The following GATAD2A variants were observed in gnomAD, a reference collection of about 807,000 sequenced individuals.
GATAD2A encodes transcriptional repressor p66-alpha.
In GATAD2A, 12 loss-of-function variants were observed where a neutral mutation model predicts 68.5. That is an observed-to-expected ratio of 0.18 (90% CI 0.11 to 0.28). The LOEUF is 0.28. Ranked by LOEUF, GATAD2A falls within the 10% of genes least tolerant of loss-of-function variation. The probability of loss-of-function intolerance (pLI) is 1.00; values close to 1 mark genes in which losing one functional copy is unlikely to be tolerated. For missense variants in GATAD2A, 755 were observed against 868.5 expected (o/e 0.87, Z 1.64); for synonymous variants, 410 against 375.3 (o/e 1.09, Z -1.07).
intron 2 of GATAD2A, among the ~76,000 whole-genome samples, chr19:19,468,126 C>T (rs899308862): frequency 6.6e-6 from 1 of 152,268 alleles, no homozygotes; most frequent in African/African-American, 2.4e-5. Flanking sequence ...ATGCCTGTAA[C>T]TGCTGAATTT....
At chr19:19,467,948 A>T (rs2058004730) in intron 2 of GATAD2A, among the ~76,000 whole-genome samples, 1 of 152,204 alleles carries the variant, frequency 6.6e-6, no homozygotes, top group African/African-American at 2.4e-5. Context: ...TTTCTCTCTC[A>T]GTCTCCCAAC....
At chr19:19,493,854 G>A (rs1036140648) in intron 4 of GATAD2A, among the ~76,000 whole-genome samples, 2 of 151,600 alleles carry the variant, frequency 1.3e-5, no homozygotes, top group African/African-American at 4.9e-5. Context: ...GGGACACCAA[G>A]TCTGTCACTG....
chr19:19,421,296 C>T (rs545240379), intron 1 of GATAD2A, among the ~76,000 whole-genome samples: 1 of 152,300 alleles, frequency 6.6e-6, no homozygotes, highest in South Asian at 2.1e-4. Context: ...GAAGAGAAGG[C>T]TGGCCCAGTG....
intron 1 of GATAD2A, among the ~76,000 whole-genome samples, chr19:19,415,318 A>G (rs898054887): frequency 1.3e-5 from 2 of 151,300 alleles, no homozygotes; most frequent in African/African-American, 2.4e-5. Context: ...ATACCCAGCT[A>G]ATTTTGTATT....
intron 2 of GATAD2A, among the ~76,000 whole-genome samples, chr19:19,483,267 G>A (rs2059184024): frequency 6.6e-6 from 1 of 152,198 alleles, no homozygotes; most frequent in South Asian, 2.1e-4. Flanking sequence ...CCAGCACTGT[G>A]GCAGTGCTCA....
chr19:19,473,446 G>A (rs1227887238), intron 2 of GATAD2A, among the ~76,000 whole-genome samples: 13 of 152,254 alleles, frequency 8.5e-5, no homozygotes, highest in African/African-American at 2.6e-4. Context: ...AAAACCAGTC[G>A]CAATTGGTGA....
intron 5 of GATAD2A, among the ~76,000 whole-genome samples, 168 bp downstream of exon 5, chr19:19,494,551 C>G (rs543780271): frequency 6.6e-6 from 1 of 152,342 alleles, no homozygotes; most frequent in South Asian, 2.1e-4. Context: ...GGGGAAGAAG[C>G]ACACGTGCAC....
chr19:19,502,589 C>T, intron 11 of GATAD2A, 63 bp downstream of exon 11: 1 of 1,305,198 alleles, frequency 7.7e-7, no homozygotes, highest in Non-Finnish European at 1.1e-6. Flanking sequence ...CCTTCCTTAA[C>T]CGAAACAGAG....
At chr19:19,403,319 C>T (rs1444074799), upstream of GATAD2A, among the ~76,000 whole-genome samples, 3 of 152,070 alleles carry the variant, frequency 2.0e-5, no homozygotes, top group Non-Finnish European at 4.4e-5. Flanking sequence ...CTATGGGACC[C>T]CAAGCAGATC....
At chr19:19,454,237 C>T (rs1271042636) in intron 1 of GATAD2A, among the ~76,000 whole-genome samples, 6 of 150,878 alleles carry the variant, frequency 4.0e-5, no homozygotes, top group African/African-American at 1.5e-4. Flanking sequence ...CTCAGGTGAT[C>T]TGCCCACCTT....
At chr19:19,410,690 G>C (rs2050814115) in intron 1 of GATAD2A, among the ~76,000 whole-genome samples, 1 of 152,150 alleles carries the variant, frequency 6.6e-6, no homozygotes, top group Non-Finnish European at 1.5e-5. Flanking sequence ...TGAGTCTAGG[G>C]GGCACCTGCT....
chr19:19,489,374 G>A (rs1036775782), intron 2 of GATAD2A, among the ~76,000 whole-genome samples: 1 of 152,212 alleles, frequency 6.6e-6, no homozygotes, highest in Non-Finnish European at 1.5e-5. Context: ...GGAACTGGCC[G>A]TTGCCATGGT....
At chr19:19,399,450 C>G (rs993400555) in intron 1 of GATAD2A, among the ~76,000 whole-genome samples, 2 of 152,150 alleles carry the variant, frequency 1.3e-5, no homozygotes, top group Non-Finnish European at 2.9e-5. Context: ...CTGGGTCTCC[C>G]AAAGTGCTGA....
chr19:19,434,007 A>G (rs1312522415), intron 1 of GATAD2A, among the ~76,000 whole-genome samples: 1 of 152,226 alleles, frequency 6.6e-6, no homozygotes, highest in Non-Finnish European at 1.5e-5. Flanking sequence ...TCCTGAGCTC[A>G]ATTGATCTGC....
chr19:19,463,664 C>A (rs1412025032), intron 1 of GATAD2A, among the ~76,000 whole-genome samples: 2 of 152,184 alleles, frequency 1.3e-5, no homozygotes, highest in East Asian at 3.9e-4. Context: ...CTCCCTGCCT[C>A]AGCCTGGTCA....
At chr19:19,399,708 C>T (rs1429182001) in intron 1 of GATAD2A, among the ~76,000 whole-genome samples, 1 of 152,138 alleles carries the variant, frequency 6.6e-6, no homozygotes, top group Non-Finnish European at 1.5e-5. Flanking sequence ...TAGAAGGGCA[C>T]TCCACCTGTG....
intron 1 of GATAD2A, among the ~76,000 whole-genome samples, chr19:19,433,373 T>C (rs1386753397): frequency 6.6e-6 from 1 of 152,182 alleles, no homozygotes; most frequent in African/African-American, 2.4e-5. Flanking sequence ...TTGTGGTAAG[T>C]CCTCCAAATT....
intron 2 of GATAD2A, among the ~76,000 whole-genome samples, chr19:19,489,080 C>T (rs1234294778): frequency 1.3e-5 from 2 of 152,358 alleles, no homozygotes; most frequent in Middle Eastern, 3.4e-3. Flanking sequence ...TTAAAGATCT[C>T]TTTTAGAAAG....
intron 1 of GATAD2A, among the ~76,000 whole-genome samples, chr19:19,410,023 A>G (rs1158755268): frequency 1.3e-5 from 2 of 152,130 alleles, no homozygotes; most frequent in Admixed American, 1.3e-4. Flanking sequence ...TGTGGGAGAG[A>G]GGGGCCCTCA....
Sources: allele counts gnomAD v4.1 joint callset (sites outside exome capture counted in the v4.1 genomes callset), GRCh38; gene constraint gnomAD v4.1.1; transcripts MANE v1.5; gene names NCBI Gene and HGNC (gene_info 2026-07-23, HGNC 2026-07-21).